Variants in RNGTT observed in about 807,000 individuals in gnomAD.
RNGTT encodes the protein mRNA-capping enzyme.
RNGTT carries 33 observed loss-of-function variants against 79.3 expected under a neutral mutation model. The ratio of observed to expected loss-of-function variants is 0.42; its 90% CI spans 0.32 to 0.56. The LOEUF is 0.56. Among genes scored for constraint, RNGTT ranks in the 20% least tolerant of loss-of-function variants. The probability of loss-of-function intolerance (pLI) is 0.17; values close to 1 mark genes in which losing one functional copy is unlikely to be tolerated. For synonymous variants in RNGTT, 222 were observed against 235.9 expected (o/e 0.94, Z 0.54); for missense variants, 497 against 739.1 (o/e 0.67, Z 3.80).
intron 2 of RNGTT, among the ~76,000 whole-genome samples, chr6:88,939,712 C>T (rs1275790519): frequency 1.3e-5 from 2 of 151,746 alleles, no homozygotes; most frequent in Middle Eastern, 3.2e-3. Context: ...CTTGCTCTTT[C>T]ATGTTTGCCA....
At chr6:88,754,963 A>G (rs35933218) in intron 13 of RNGTT, among the ~76,000 whole-genome samples, 21,076 of 152,172 alleles carry the variant, frequency 0.14, 1,595 homozygotes, top group Middle Eastern at 0.24. Flanking sequence ...CAGCTCTGAA[A>G]GTTATGAGAC....
chr6:88,642,545 C>T (rs1387521923), intron 14 of RNGTT, among the ~76,000 whole-genome samples: 2 of 152,102 alleles, frequency 1.3e-5, no homozygotes, highest in African/African-American at 2.4e-5. Context: ...TGTGCTGGCT[C>T]CCGTGAAATA....
chr6:88,811,426 A>T (rs1780134190), intron 11 of RNGTT, among the ~76,000 whole-genome samples: 1 of 152,202 alleles, frequency 6.6e-6, no homozygotes, highest in Non-Finnish European at 1.5e-5. Context: ...AGATTGGAGG[A>T]ACTGACAAAG....
intron 14 of RNGTT, among the ~76,000 whole-genome samples, chr6:88,675,611 T>C (rs1396948992): frequency 6.6e-6 from 1 of 151,974 alleles, no homozygotes; most frequent in Non-Finnish European, 1.5e-5. Flanking sequence ...TAGAGAACAA[T>C]CATTTATGTA....
intron 11 of RNGTT, among the ~76,000 whole-genome samples, chr6:88,843,064 C>A (rs969761443): frequency 2.0e-5 from 3 of 151,468 alleles, no homozygotes; most frequent in African/African-American, 4.9e-5. Flanking sequence ...AAGAGTGAGA[C>A]CCTGCCTCAA....
intron 14 of RNGTT, among the ~76,000 whole-genome samples, chr6:88,675,197 G>A (rs1413272180): frequency 1.3e-5 from 2 of 151,212 alleles, no homozygotes; most frequent in African/African-American, 2.4e-5. Context: ...TTTATAAATT[G>A]CCTTGAATGC....
intron 14 of RNGTT, among the ~76,000 whole-genome samples, chr6:88,671,482 T>A (rs1378394426): frequency 6.6e-6 from 1 of 152,174 alleles, no homozygotes; most frequent in Non-Finnish European, 1.5e-5. Flanking sequence ...ACACATCCCA[T>A]GATCATGGAT....
chr6:88,897,657 C>T lies in RNGTT; in HGVS notation c.685-5742G>A, dbSNP rs188074016. Among the ~76,000 whole-genome samples, 22 of 152,274 alleles carry T rather than the reference C, an allele frequency of 1.4e-4. No individual in the cohort carries two copies. In the Middle Eastern group the frequency reaches 0.01, roughly 71 times the overall value. On this transcript the variant is annotated intron_variant, in intron 6 of 15. Coordinates refer to ENST00000369485, the MANE Select transcript of RNGTT (RefSeq NM_003800.5). ...ATAGTAGTGTGCAGAAAAGGGTTAA[C>T]CTAACACTAGTGCTTGCAAAGTTGG...
At chr6:88,886,132 C>T (rs1417487236) in intron 8 of RNGTT, among the ~76,000 whole-genome samples, 1 of 152,088 alleles carries the variant, frequency 6.6e-6, no homozygotes, top group South Asian at 2.1e-4. Context: ...GTTGAAACTC[C>T]GTCTCTACTA....
intron 13 of RNGTT, among the ~76,000 whole-genome samples, chr6:88,712,018 T>C (rs550712495): frequency 1.5e-4 from 23 of 152,260 alleles, no homozygotes; most frequent in South Asian, 4.1e-4. Flanking sequence ...TATAATTTGA[T>C]AGTCTAAAGA....
intron 9 of RNGTT, among the ~76,000 whole-genome samples, chr6:88,850,602 C>A (rs373092583): frequency 6.6e-6 from 1 of 151,088 alleles, no homozygotes; most frequent in Non-Finnish European, 1.5e-5. Context: ...TCTAAAATTA[C>A]AAAAAAAACA....
At position 88,610,665 on chromosome 6, in the gene RNGTT, A is replaced by G. The variant is rs1230181244; in HGVS notation, c.*2054T>C. 3 of 152,242 alleles carry G rather than the reference A, an allele frequency of 2.0e-5. No individual in the cohort carries two copies. Among genetic ancestry groups the G allele is most frequent in the Non-Finnish European group, 4.4e-5 (3 of 68,046 alleles). The allele number at this position is 152,242 out of a possible 1,614,324, so 9.4% of individuals were successfully genotyped here. A position where few individuals can be genotyped will look rare whatever the true frequency, so the allele number is the denominator to read the frequency against. ...AACTACTCTATGTCACTATAATTGA[A>G]AGGAAAGAATAAATTAAGAAAATTA... is the stretch of plus-strand genomic sequence containing the variant. On this transcript the variant is annotated 3_prime_UTR_variant, in exon 16 of 16. Coordinates refer to ENST00000369485, the MANE Select transcript of RNGTT (RefSeq NM_003800.5).
chr6:88,962,479 C>CA (rs1785665134), intron 1 of RNGTT, among the ~76,000 whole-genome samples: 1 of 151,678 alleles, frequency 6.6e-6, no homozygotes, highest in African/African-American at 2.4e-5. Flanking sequence ...AAAAAATAAA[C>CA]AAAAAAATTA....
intron 14 of RNGTT, among the ~76,000 whole-genome samples, chr6:88,663,039 G>A (rs1163473852): frequency 6.6e-6 from 1 of 152,208 alleles, no homozygotes; most frequent in East Asian, 1.9e-4. Flanking sequence ...TTTCGGCTCT[G>A]ACTTGGCTCA....
At chr6:88,732,001 T>C (rs1314407578) in intron 13 of RNGTT, among the ~76,000 whole-genome samples, 1 of 152,094 alleles carries the variant, frequency 6.6e-6, no homozygotes, top group Non-Finnish European at 1.5e-5. Context: ...AAGTGAGTCA[T>C]CATAAAGGTC....
At chr6:88,860,250 G>A (rs1342968820) in intron 8 of RNGTT, among the ~76,000 whole-genome samples, 2 of 152,192 alleles carry the variant, frequency 1.3e-5, no homozygotes, top group African/African-American at 4.8e-5. Context: ...GAAGTTCCAA[G>A]TTCTGGCTTC....
intron 11 of RNGTT, among the ~76,000 whole-genome samples, chr6:88,834,564 C>A (rs972000773): frequency 2.0e-5 from 3 of 152,178 alleles, no homozygotes; most frequent in Non-Finnish European, 4.4e-5. Flanking sequence ...CACTGAAAAT[C>A]TCTATGTGTG....
chr6:88,820,013 A>G (rs528044459), intron 11 of RNGTT, among the ~76,000 whole-genome samples: 139 of 152,258 alleles, frequency 9.1e-4, no homozygotes, highest in African/African-American at 3.3e-3. Flanking sequence ...ATGACTAGAT[A>G]TGAGATTGTA....
chr6:88,672,294 C>T (rs1322833242), intron 14 of RNGTT, among the ~76,000 whole-genome samples: 2 of 151,146 alleles, frequency 1.3e-5, no homozygotes, highest in Non-Finnish European at 1.5e-5. Flanking sequence ...CATATATATA[C>T]ACATATATAT....
Sources: allele counts gnomAD v4.1 joint callset (sites outside exome capture counted in the v4.1 genomes callset), GRCh38; gene constraint gnomAD v4.1.1; transcripts MANE v1.5; gene names NCBI Gene and HGNC (gene_info 2026-07-23, HGNC 2026-07-21).